The following TYMS variants were observed in gnomAD, a reference collection of about 807,000 sequenced individuals.
TYMS encodes thymidylate synthase.
In TYMS, 21 loss-of-function variants were observed where a neutral mutation model predicts 39.3. The observed-to-expected ratio is 0.54, with a 90% confidence interval of 0.38 to 0.77. TYMS has a LOEUF of 0.77. TYMS is among the 30% of genes least tolerant of loss of function. The pLI, the probability that TYMS is intolerant of heterozygous loss-of-function variation, is 0.00. For missense variants in TYMS, 273 were observed against 406.7 expected, an observed-to-expected ratio of 0.67 and a Z score of 2.83; for synonymous variants, 171 against 162.2, an observed-to-expected ratio of 1.05 and a Z score of -0.41.
chr18:670,783 G>C lies in TYMS; in HGVS notation c.648G>C (p.Ser216=). 6.2e-7 allele frequency: 1 copy of C among 1,614,098 alleles called. No individual in the cohort carries two copies. The highest frequency in any genetic ancestry group is 1.1e-5 in the South Asian group (1 of 91,074). The change falls in exon 5 of 7, where the codon TCG becomes TCC. Residue 216 remains serine (S), a synonymous_variant. Transcript: ENST00000323274. ...SELSCQLYQR[S]GDMGLGVPFN... ...TGTCCTGCCAGCTGTACCAGAGATCGGGAGACATGGGCCTCGGTGTGCCTT... is the reference window on the plus strand; with the variant it reads ...TGTCCTGCCAGCTGTACCAGAGATCCGGAGACATGGGCCTCGGTGTGCCTT...
At chr18:662,431 G>A in intron 3 of TYMS, 111 bp downstream of exon 3, 1 of 1,012,796 alleles carries the variant, frequency 9.9e-7, no homozygotes, top group Non-Finnish European at 1.4e-6. Flanking sequence ...AGGAGCTGAT[G>A]TATAGCTTTG....
intron 4 of TYMS, 52 bp downstream of exon 4, chr18:669,225 A>C (rs770424643): frequency 2.0e-6 from 3 of 1,537,064 alleles, no homozygotes; most frequent in Non-Finnish European, 2.7e-6. Flanking sequence ...CTTAGAGGGA[A>C]GCAATCTGGT....
At chr18:672,085 A>AT (rs2075088221) in intron 6 of TYMS, 3 of 152,212 alleles carry the variant, frequency 2.0e-5, no homozygotes, top group African/African-American at 7.2e-5. Flanking sequence ...GGCCATAAAT[A>AT]TTTTTTGTTA....
chr18:657,971 A>G, intron 1 of TYMS, 24 bp downstream of exon 1: 1 of 1,508,800 alleles, frequency 6.6e-7, no homozygotes, highest in East Asian at 2.4e-5. Context: ...CCCCTGCGGG[A>G]CGGGTGGCGG....
chr18:670,745 G>A lies in TYMS; in HGVS notation c.610G>A (p.Val204Met). ...CCATGCCCTCTGCCAGTTCTATGTG[G>A]TGAACAGTGAGCTGTCCTGCCAGCT... ...PCHALCQFYV[V>M]NSELSCQLYQ... The change falls in exon 5 of 7, where the codon GTG (valine) becomes ATG (methionine). Residue 204 changes from valine (V) to methionine (M), a missense_variant. By Grantham distance (21) the Val-to-Met change is conservative. Transcript: ENST00000323274. The A allele has an allele frequency of 6.2e-7, 1 of 1,614,120 alleles. No homozygotes were observed.
chr18:672,755 TAG>T, intron 6 of TYMS, 103 bp from the exon 7 acceptor site: 3 of 1,311,054 alleles, frequency 2.3e-6, no homozygotes, highest in Non-Finnish European at 3.1e-6. Context: ...TCCTGTAAAA[TAG>T]AACTTTGTTG....
Position 658,384 on chromosome 18 carries a change from C to A in TYMS, c.205+437C>A. 7.9e-7 allele frequency: 1 copy of A among 1,266,776 alleles called. No homozygotes were observed. The highest frequency in any genetic ancestry group is 1.0e-6 in the Non-Finnish European group (1 of 974,546). The allele number at this position is 1,266,776 out of a possible 1,614,324, so 78.5% of individuals were successfully genotyped here. Reference sequence around the variant, plus strand: ...TTCCGCTTCGCAGCGTTTTCAAAAACTGGAGCGAAAGTGATGTGGGCGGGG... The same window carrying A: ...TTCCGCTTCGCAGCGTTTTCAAAAAATGGAGCGAAAGTGATGTGGGCGGGG... On this transcript the variant is annotated intron_variant, in intron 1 of 6. Coordinates refer to ENST00000323274, the MANE Select transcript of TYMS (RefSeq NM_001071.4). This position sits in a 1 kb window ranked among gnomAD's most constrained non-coding sequence, Gnocchi z 4.5.
intron 4 of TYMS, 122 bp downstream of exon 4, chr18:669,295 GAT>G (rs2074933009): frequency 1.4e-4 from 39 of 285,392 alleles, no homozygotes; most frequent in Non-Finnish European, 1.5e-4. Context: ...CCACATGGTT[GAT>G]TGTGTGACGT....
intron 3 of TYMS, among the ~76,000 whole-genome samples, chr18:663,834 C>T (rs1261806605): frequency 2.9e-5 from 3 of 103,010 alleles, no homozygotes; most frequent in African/African-American, 1.1e-4. Context: ...TGTAGATATG[C>T]GGTGTTATTT....
At chr18:662,118 C>A in intron 2 of TYMS, 28 bp from the exon 3 acceptor site, 2 of 1,578,448 alleles carry the variant, frequency 1.3e-6, no homozygotes, top group South Asian at 1.2e-5. Context: ...TACCTGGATG[C>A]CTGCTCTGCT....
intron 3 of TYMS, among the ~76,000 whole-genome samples, chr18:668,084 T>C (rs550240846): frequency 4.7e-5 from 7 of 149,140 alleles, no homozygotes; most frequent in Non-Finnish European, 1.0e-4. Flanking sequence ...ACATCCTGTA[T>C]ACATTCACAT....
intron 4 of TYMS, among the ~76,000 whole-genome samples, chr18:669,652 T>C (rs1490142363): frequency 1.3e-5 from 2 of 152,132 alleles, no homozygotes; most frequent in African/African-American, 4.8e-5. Flanking sequence ...TCTTAATTTG[T>C]GTATTTATAC....
In TYMS at chr18:660,286, G is replaced by A. The variant is rs1473842654; in HGVS notation, c.279+572G>A. The stretch of plus-strand genomic sequence containing the variant: ...CCTGGAACCTTCTTCCCCCACACTT[G>A]GCTTCTTCCTTTGAGTCTCTACTCC... On this transcript the variant is annotated intron_variant, in intron 2 of 6. Coordinates refer to ENST00000323274, the MANE Select transcript of TYMS (RefSeq NM_001071.4). The surrounding 1 kb of genome is among the most constrained non-coding windows in gnomAD (Gnocchi z 4.6). 6.6e-6 allele frequency among the ~76,000 whole-genome samples: 1 copy of A among 152,026 alleles called. No homozygotes were observed. Among genetic ancestry groups the A allele is most frequent in the Non-Finnish European group, 1.5e-5 (1 of 68,006 alleles).
Position 669,145 on chromosome 18 carries a change from AATC to A in TYMS, c.534_536del (p.Ile178del). ...TCAAAACCAACCCTGACGACAGAAGAATCATCATGTGCGCTTGGAATCCAAGAG... is the reference window on the plus strand; with the variant it reads ...TCAAAACCAACCCTGACGACAGAAGAATCATGTGCGCTTGGAATCCAAGAG... On this transcript the variant is annotated inframe_deletion, in exon 4 of 7. Coordinates refer to ENST00000323274, the MANE Select transcript of TYMS (RefSeq NM_001071.4). The A allele has an allele frequency of 1.9e-6, 3 of 1,613,528 alleles. No individual in the cohort carries two copies. The highest frequency in any genetic ancestry group is 2.5e-6 in the Non-Finnish European group (3 of 1,179,424).
In TYMS at chr18:666,921, A is replaced by AGATGGT. The variant is rs1269844514; in HGVS notation, c.455-2139_455-2134dup. ...GTGATGGAGATGGTGATGGTGATGGAGATGGTGATGGTGATGGAGATGGTG... is the reference window on the plus strand; with the variant it reads ...GTGATGGAGATGGTGATGGTGATGGAGATGGTGATGGTGATGGTGATGGAGATGGTG... On this transcript the variant is annotated intron_variant, in intron 3 of 6. Transcript: ENST00000323274. Among the ~76,000 whole-genome samples the AGATGGT allele has an allele frequency of 3.0e-4, 10 of 33,480 alleles. 2 individuals are homozygous for AGATGGT. Among genetic ancestry groups the AGATGGT allele is most frequent in the African/African-American group, 8.0e-4 (7 of 8,750 alleles). The allele number at this position is 33,480 out of a possible 152,430, so 22.0% of individuals were successfully genotyped here.
rs114529891 is a variant in TYMS at position 669,015 on chromosome 18, C to T, written c.455-57C>T. ...TGTAATAGATGACCTCTAAGGCCAT[C>T]TCATGACATGTGTGATTAATGTATG... On this transcript the variant is annotated intron_variant, in intron 3 of 6. Transcript: ENST00000323274. 656 of 1,458,732 alleles carry T rather than the reference C, an allele frequency of 4.5e-4. 1 individual carries two copies. In the African/African-American group the frequency reaches 8.2e-3, roughly 18 times the overall value. 90.4% of individuals were successfully genotyped at this position (1,458,732 alleles called of 1,614,324 possible).
At position 657,839 on chromosome 18, in the gene TYMS, TA is replaced by T. The variant is rs2074704258; in HGVS notation, c.98del (p.Tyr33SerfsTer35). ...EPRPPHGELQ[Y>X]LGQIQHILRC... is the part of the protein sequence containing the mutation. ...GCGTCCGCCGCACGGGGAGCTGCAG[TA>T]CCTGGGGCAGATCCAACACATCCTC... On this transcript the variant is annotated frameshift_variant, in exon 1 of 7. Transcript: ENST00000323274. LOFTEE classifies it high-confidence loss of function. The T allele has an allele frequency of 2.0e-6, 3 of 1,484,508 alleles. No individual in the cohort carries two copies. Among genetic ancestry groups the T allele is most frequent in the Non-Finnish European group, 2.7e-6 (3 of 1,126,068 alleles). 92.0% of individuals were successfully genotyped at this position (1,484,508 alleles called of 1,614,324 possible). A position where few individuals can be genotyped will look rare whatever the true frequency, so the allele number is the denominator to read the frequency against.
chr18:667,481 T>A lies in TYMS; in HGVS notation c.455-1591T>A, dbSNP rs370525417. On this transcript the variant is annotated intron_variant, in intron 3 of 6. Transcript: ENST00000323274. ...ATGATGGAGATGGTGATGGTGATGG[T>A]GATGGTGATGGTGATGGAGATGGTG... Among the ~76,000 whole-genome samples the A allele has an allele frequency of 3.6e-4, 8 of 22,192 alleles. 2 individuals carry two copies. The highest frequency in any genetic ancestry group is 2.8e-3 in the African/African-American group (6 of 2,142). The allele number at this position is 22,192 out of a possible 152,430, so 14.6% of individuals were successfully genotyped here.
chr18:659,421 T>A (rs149563189), intron 1 of TYMS, among the ~76,000 whole-genome samples: 171 of 152,286 alleles, frequency 1.1e-3, no homozygotes, highest in African/African-American at 3.3e-3. Context: ...CTGTGTCCAC[T>A]GGTCACCGGG....
Sources: allele counts gnomAD v4.1 joint callset (sites outside exome capture counted in the v4.1 genomes callset), GRCh38; gene constraint gnomAD v4.1.1; non-coding constraint Gnocchi (gnomAD v3.1); transcripts MANE v1.5; gene names NCBI Gene and HGNC (gene_info 2026-07-23, HGNC 2026-07-21).